AP2M1: variants seen among roughly 807,000 people sequenced by gnomAD.
The protein encoded by AP2M1 is adaptor related protein complex 2 subunit mu 1.
AP2M1 carries 5 observed loss-of-function variants against 54.5 expected under a neutral mutation model. The observed-to-expected ratio is 0.09, with a 90% CI of 0.05 to 0.19. The LOEUF (loss-of-function observed/expected upper bound fraction) is 0.19, where lower values mean the gene tolerates loss of function less well. AP2M1 is among the 10% of genes least tolerant of loss of function. The pLI is 1.00. For synonymous variants in AP2M1, 186 were observed against 208.2 expected, an observed-to-expected ratio of 0.89 and a Z score of 0.92; for missense variants, 178 against 580.2, an observed-to-expected ratio of 0.31 and a Z score of 7.12.
chr3:184,182,138 G>A lies in AP2M1; in HGVS notation c.964-13G>A, dbSNP rs370278632. 5.0e-6 allele frequency: 8 copies of A among 1,613,482 alleles called. No individual in the cohort carries two copies. In the African/African-American group the frequency reaches 5.3e-5, roughly 11 times the overall value. ...AGCTTGACAGAGCTCCCTGACAGGT[G>A]TGTCACTTCTAGGTGAGGATCCCAA... On this transcript the variant is annotated splice_polypyrimidine_tract_variant and intron_variant, in intron 9 of 11. Coordinates refer to ENST00000292807, the MANE Select transcript of AP2M1 (RefSeq NM_004068.4). This position sits in a 1 kb window ranked among gnomAD's most constrained non-coding sequence, Gnocchi z 5.5.
chr3:184,176,681 CG>C lies in AP2M1; in HGVS notation c.-43-265del, dbSNP rs139023186. 3.5e-3 allele frequency: 1,569 copies of C among 442,654 alleles called. 29 individuals are homozygous for C. Among genetic ancestry groups the C allele is most frequent in the African/African-American group, 0.03 (1,442 of 47,548 alleles). 27.4% of individuals were successfully genotyped at this position (442,654 alleles called of 1,614,324 possible). Reference sequence around the variant, plus strand: ...TGAGCTCAGTGCTGGGGAGAGGGGGCGGGGGTTACTGATGCTCAGCCCCAGG... The same window carrying C: ...TGAGCTCAGTGCTGGGGAGAGGGGGCGGGGTTACTGATGCTCAGCCCCAGG... On this transcript the variant is annotated intron_variant, in intron 1 of 11. Coordinates refer to ENST00000292807, the MANE Select transcript of AP2M1 (RefSeq NM_004068.4).
In AP2M1 at chr3:184,183,319, T is replaced by C. The variant is rs1715334555; in HGVS notation, c.1174-163T>C. On this transcript the variant is annotated intron_variant, in intron 11 of 11. Coordinates refer to ENST00000292807, the MANE Select transcript of AP2M1 (RefSeq NM_004068.4). The surrounding 1 kb of genome is among the most constrained non-coding windows in gnomAD (Gnocchi z 5.7). ...AGGTGTCACAGGTAGGGCTTTCTTCTTTAGTCACCTCTTAGAAGGTCCCAC... is the reference window on the plus strand; with the variant it reads ...AGGTGTCACAGGTAGGGCTTTCTTCCTTAGTCACCTCTTAGAAGGTCCCAC... 2.0e-6 allele frequency: 2 copies of C among 1,015,638 alleles called. No homozygotes were observed. The highest frequency in any genetic ancestry group is 2.9e-6 in the Non-Finnish European group (2 of 694,892). 62.9% of individuals were successfully genotyped at this position (1,015,638 alleles called of 1,614,324 possible). A position where few individuals can be genotyped will look rare whatever the true frequency, so the allele number is the denominator to read the frequency against.
chr3:184,177,453 C>T, intron 2 of AP2M1: 2 of 1,276,396 alleles, frequency 1.6e-6, no homozygotes, highest in South Asian at 2.6e-5. Context: ...AAGCCTTGCT[C>T]TCAGAAGCCC....
rs1715155545 is a variant in AP2M1, at chr3:184,178,310, A to G, written c.75-547A>G. ...TCCTGCATCCTTTTTCATTCCCTCA[A>G]CTTGCTCTGGAGTTGGATCCTGGGC... On this transcript the variant is annotated intron_variant, in intron 2 of 11. Coordinates refer to ENST00000292807, the MANE Select transcript of AP2M1 (RefSeq NM_004068.4). The surrounding 1 kb of genome is among the most constrained non-coding windows in gnomAD (Gnocchi z 4.9). 44 of 1,459,256 alleles carry G rather than the reference A, an allele frequency of 3.0e-5. No individual in the cohort carries two copies. The highest frequency in any genetic ancestry group is 4.1e-5 in the Non-Finnish European group (44 of 1,077,340). 90.4% of individuals were successfully genotyped at this position (1,459,256 alleles called of 1,614,324 possible). A position where few individuals can be genotyped will look rare whatever the true frequency, so the allele number is the denominator to read the frequency against.
In AP2M1 at chr3:184,178,781, TAGC is replaced by T. The variant is rs1715171142; in HGVS notation, c.75-72_75-70del. On this transcript the variant is annotated intron_variant, in intron 2 of 11. Transcript: ENST00000292807. This position sits in a 1 kb window ranked among gnomAD's most constrained non-coding sequence, Gnocchi z 4.9. ...TCTGCAGAAAGGAGGGTGGGGCTGT[TAGC>T]AGCTGTGGTTGATCCTTATGGGGTA... The T allele has an allele frequency of 1.3e-5, 20 of 1,550,210 alleles. No homozygotes were observed. In the Admixed American group the frequency reaches 2.0e-4, roughly 15 times the overall value.
Position 184,179,135 on chromosome 3 carries a change from G to T in AP2M1, c.340+13G>T. 6.2e-7 allele frequency: 1 copy of T among 1,609,692 alleles called. No homozygotes were observed. The highest frequency in any genetic ancestry group is 8.5e-7 in the Non-Finnish European group (1 of 1,176,352). ...GAGCTGCTGGATGGTGAGGCTGGCG[G>T]GCTGGCACGGCAGCGGGCGTAGGGT... On this transcript the variant is annotated intron_variant, in intron 3 of 11. Transcript: ENST00000292807.
Position 184,183,940 on chromosome 3 carries a change from G to T in AP2M1, c.*324G>T, listed in dbSNP as rs1715356808. ...CCCTGTGGCCACAGCTCTGGAGTGGGAGGGTTGGTTGCCCCTCACCTCAGA... is the reference window on the plus strand; with the variant it reads ...CCCTGTGGCCACAGCTCTGGAGTGGTAGGGTTGGTTGCCCCTCACCTCAGA... On this transcript the variant is annotated 3_prime_UTR_variant, in exon 12 of 12. Transcript: ENST00000292807. The surrounding 1 kb of genome is among the most constrained non-coding windows in gnomAD (Gnocchi z 5.7). 3.5e-6 allele frequency: 1 copy of T among 288,690 alleles called. No homozygotes were observed. Among genetic ancestry groups the T allele is most frequent in the African/African-American group, 2.1e-5 (1 of 47,238 alleles). The allele number at this position is 288,690 out of a possible 1,614,324, so 17.9% of individuals were successfully genotyped here. A position where few individuals can be genotyped will look rare whatever the true frequency, so the allele number is the denominator to read the frequency against.
chr3:184,180,506 C>T lies in AP2M1; in HGVS notation c.424-139C>T. 8 of 1,379,982 alleles carry T rather than the reference C, an allele frequency of 5.8e-6. No individual in the cohort carries two copies. Among genetic ancestry groups the T allele is most frequent in the Non-Finnish European group, 8.0e-6 (8 of 994,416 alleles). 85.5% of individuals were successfully genotyped at this position (1,379,982 alleles called of 1,614,324 possible). A position where few individuals can be genotyped will look rare whatever the true frequency, so the allele number is the denominator to read the frequency against. On this transcript the variant is annotated intron_variant, in intron 4 of 11. Coordinates refer to ENST00000292807, the MANE Select transcript of AP2M1 (RefSeq NM_004068.4). The surrounding 1 kb of genome is among the most constrained non-coding windows in gnomAD (Gnocchi z 4.9). Reference sequence around the variant, plus strand: ...TGCACTGAGGGGTGGGGGAGGAGGCCTGGTCTTGAGGCCTGGTATTCCTCA... The same window carrying T: ...TGCACTGAGGGGTGGGGGAGGAGGCTTGGTCTTGAGGCCTGGTATTCCTCA...
chr3:184,177,665 C>G (rs1715119665), intron 2 of AP2M1: 1 of 1,476,648 alleles, frequency 6.8e-7, no homozygotes, highest in African/African-American at 1.4e-5. Context: ...GCTACCCTCT[C>G]AGTAGACCCA....
intron 2 of AP2M1, among the ~76,000 whole-genome samples, 175 bp downstream of exon 2, chr3:184,177,242 G>T (rs1054284197): frequency 6.6e-6 from 1 of 152,222 alleles, no homozygotes; most frequent in African/African-American, 2.4e-5. Flanking sequence ...GTATTGGCCC[G>T]GCAGCCAGCC....
intron 2 of AP2M1, chr3:184,177,558 T>C: frequency 6.5e-7 from 1 of 1,535,956 alleles, no homozygotes; most frequent in South Asian, 1.2e-5. Context: ...GTCAGGCTGC[T>C]GACTCAGCTG....
chr3:184,177,512 C>G (rs1450631101), intron 2 of AP2M1: 34 of 1,529,616 alleles, frequency 2.2e-5, no homozygotes, highest in African/African-American at 2.7e-5. Flanking sequence ...CCCCTCCAGG[C>G]TGCCCAATCC....
chr3:184,180,811 G>C lies in AP2M1; in HGVS notation c.430-38G>C. 2 of 1,614,226 alleles carry C rather than the reference G, an allele frequency of 1.2e-6. No individual in the cohort carries two copies. Among genetic ancestry groups the C allele is most frequent in the Non-Finnish European group, 1.7e-6 (2 of 1,180,050 alleles). On this transcript the variant is annotated intron_variant, in intron 5 of 11. Transcript: ENST00000292807. This position sits in a 1 kb window ranked among gnomAD's most constrained non-coding sequence, Gnocchi z 4.9. ...AGACAGGATGATTAAAGGGACAGAG[G>C]AGTGAGGCCATTGCTGTTTGTTTCT...
At position 184,179,020 on chromosome 3, in the gene AP2M1, G is replaced by C; in HGVS notation, c.238G>C (p.Glu80Gln). 1 of 1,614,166 alleles carries C rather than the reference G, an allele frequency of 6.2e-7. No homozygotes were observed. The highest frequency in any genetic ancestry group is 8.5e-7 in the Non-Finnish European group (1 of 1,180,040). Residue 80 changes from glutamate (E) to glutamine (Q), a missense_variant, in exon 3 of 12, where the codon GAA becomes CAA. Physicochemically the swap from Glu to Gln is conservative, Grantham distance 29 (BLOSUM62 2). Coordinates refer to ENST00000292807, the MANE Select transcript of AP2M1 (RefSeq NM_004068.4). ...KQNVNAAMVF[E>Q]FLYKMCDVMA... Reference sequence around the variant, plus strand: ...GAATGTCAACGCTGCCATGGTCTTCGAATTCCTCTATAAGATGTGTGACGT... The same window carrying C: ...GAATGTCAACGCTGCCATGGTCTTCCAATTCCTCTATAAGATGTGTGACGT...
At chr3:184,177,110 C>CCCCCAG in intron 2 of AP2M1, 43 bp downstream of exon 2, 1 of 1,582,702 alleles carries the variant, frequency 6.3e-7, no homozygotes, top group East Asian at 2.2e-5. Context: ...CCACTCCAGC[C>CCCCCAG]CCCCAGCCCC....
intron 2 of AP2M1, chr3:184,177,726 A>C (rs1415268851): frequency 3.5e-5 from 36 of 1,015,944 alleles, no homozygotes; most frequent in Non-Finnish European, 5.2e-5. Context: ...CTGCCTTCTC[A>C]TTCTGCGCCC....
Position 184,182,418 on chromosome 3 carries a change from C to T in AP2M1, c.1061+170C>T. The stretch of plus-strand genomic sequence containing the variant: ...TACCTCCATGTGAGTATGTACACGC[C>T]TGCATTTGGGTTCATGCACGTGCTT... On this transcript the variant is annotated intron_variant, in intron 10 of 11. Coordinates refer to ENST00000292807, the MANE Select transcript of AP2M1 (RefSeq NM_004068.4). The surrounding 1 kb of genome is among the most constrained non-coding windows in gnomAD (Gnocchi z 5.5). 2 of 706,458 alleles carry T rather than the reference C, an allele frequency of 2.8e-6. No individual in the cohort carries two copies. Among genetic ancestry groups the T allele is most frequent in the East Asian group, 5.5e-5 (2 of 36,632 alleles). The allele number at this position is 706,458 out of a possible 1,614,324, so 43.8% of individuals were successfully genotyped here. A position where few individuals can be genotyped will look rare whatever the true frequency, so the allele number is the denominator to read the frequency against.
chr3:184,176,940 G>T lies in AP2M1; in HGVS notation c.-43-11G>T. On this transcript the variant is annotated splice_polypyrimidine_tract_variant and intron_variant, in intron 1 of 11. Coordinates refer to ENST00000292807, the MANE Select transcript of AP2M1 (RefSeq NM_004068.4). The stretch of plus-strand genomic sequence containing the variant: ...TGAGGTCTTCTTTTACCCTGCCCCC[G>T]CCTGTCCTAGGTCTGTTCTCAGAGC... 1 of 1,584,916 alleles carries T rather than the reference G, an allele frequency of 6.3e-7. No homozygotes were observed. The highest frequency in any genetic ancestry group is 8.6e-7 in the Non-Finnish European group (1 of 1,160,424).
Position 184,183,939 on chromosome 3 carries a change from G to T in AP2M1, c.*323G>T, listed in dbSNP as rs1715356718. On this transcript the variant is annotated 3_prime_UTR_variant, in exon 12 of 12. Coordinates refer to ENST00000292807, the MANE Select transcript of AP2M1 (RefSeq NM_004068.4). This position sits in a 1 kb window ranked among gnomAD's most constrained non-coding sequence, Gnocchi z 5.7. ...CCCCTGTGGCCACAGCTCTGGAGTG[G>T]GAGGGTTGGTTGCCCCTCACCTCAG... 3 of 289,018 alleles carry T rather than the reference G, an allele frequency of 1.0e-5. No individual in the cohort carries two copies. Among genetic ancestry groups the T allele is most frequent in the African/African-American group, 2.1e-5 (1 of 47,240 alleles). The allele number at this position is 289,018 out of a possible 1,614,324, so 17.9% of individuals were successfully genotyped here.
Sources: gnomAD v4.1 joint callset for allele counts (sites outside exome capture counted in the v4.1 genomes callset) on GRCh38, gnomAD v4.1.1 for gene constraint, Gnocchi (gnomAD v3.1) non-coding constraint, MANE v1.5 for transcripts, NCBI Gene and HGNC (gene_info 2026-07-23, HGNC 2026-07-21) for gene names.